The following LINGO1 variants were observed in gnomAD, a reference collection of about 807,000 sequenced individuals.
LINGO1 encodes the protein leucine rich repeat and Ig domain containing 1.
In LINGO1, 11 loss-of-function variants were observed where a neutral mutation model predicts 37.3. That is an observed-to-expected ratio of 0.29 (90% CI 0.19 to 0.49). LINGO1 has a LOEUF of 0.49. LINGO1 is among the 20% of genes least tolerant of loss of function. The pLI, the probability that LINGO1 is intolerant of heterozygous loss-of-function variation, is 0.99. For missense variants in LINGO1, 585 were observed against 878.2 expected (o/e 0.67, Z 4.22); for synonymous variants, 387 against 403.0 (o/e 0.96, Z 0.48).
chr15:77,702,721 T>A (rs910495912), intron 2 of LINGO1, among the ~76,000 whole-genome samples: 1 of 152,164 alleles, frequency 6.6e-6, no homozygotes. Flanking sequence ...ACCTCCAGTC[T>A]GCCTGGGCTA....
chr15:77,795,659 A>T (rs2076866693), intron 2 of LINGO1, among the ~76,000 whole-genome samples: 1 of 152,198 alleles, frequency 6.6e-6, no homozygotes, highest in Admixed American at 6.5e-5. Flanking sequence ...AGAGCCCTGC[A>T]GCCTGCCCTT....
At chr15:77,770,342 C>T (rs894852485) in intron 1 of LINGO1, among the ~76,000 whole-genome samples, 1 of 152,122 alleles carries the variant, frequency 6.6e-6, no homozygotes, top group African/African-American at 2.4e-5. Context: ...AATCCCAGCA[C>T]TTTGGGAGGC....
intron 3 of LINGO1, chr15:77,647,861 C>A (rs1461944367): frequency 2.2e-6 from 1 of 456,640 alleles, no homozygotes; most frequent in Non-Finnish European, 4.4e-6. Context: ...AAGGGAACAG[C>A]TGGGCTGCTG....
chr15:77,813,131 T>C (rs2077019446), intron 1 of LINGO1, among the ~76,000 whole-genome samples: 3 of 152,210 alleles, frequency 2.0e-5, no homozygotes, highest in African/African-American at 4.8e-5. Context: ...ATATAGTGGG[T>C]ACACAGTAAA....
chr15:77,726,304 C>T (rs1427454854), intron 2 of LINGO1, among the ~76,000 whole-genome samples: 2 of 152,222 alleles, frequency 1.3e-5, no homozygotes, highest in African/African-American at 4.8e-5. Context: ...AGGAAGAAGC[C>T]TGCATCCCTG....
chr15:77,756,487 C>CAG (rs1268064858), intron 1 of LINGO1, among the ~76,000 whole-genome samples: 6 of 38,818 alleles, frequency 1.5e-4, no homozygotes, highest in East Asian at 1.2e-3. Context: ...GACAGACAGA[C>CAG]ACACACACAC....
chr15:77,775,703 C>T lies in LINGO1; in HGVS notation c.-257+11166G>A, dbSNP rs1403445450. On this transcript the variant is annotated intron_variant, in intron 1 of 3. Transcript: ENST00000561686. ...GCCTGAGCCGAGGCTCTCCAGCCCACGTCCCTCTGTCTGTGCCTCTCTAGA... is the reference window on the plus strand; with the variant it reads ...GCCTGAGCCGAGGCTCTCCAGCCCATGTCCCTCTGTCTGTGCCTCTCTAGA... 3.9e-5 allele frequency among the ~76,000 whole-genome samples: 6 copies of T among 152,218 alleles called. 1 individual carries two copies. The highest frequency in any genetic ancestry group is 4.1e-4 in the South Asian group (2 of 4,826).
At chr15:77,635,754 G>GT (rs1350845473), upstream of LINGO1, among the ~76,000 whole-genome samples, 39 of 145,882 alleles carry the variant, frequency 2.7e-4, no homozygotes, top group African/African-American at 1.1e-3. Context: ...TTAGAGGCAA[G>GT]GCCCAAATCT....
chr15:77,786,092 A>C (rs1391878979), intron 1 of LINGO1, among the ~76,000 whole-genome samples: 1 of 152,114 alleles, frequency 6.6e-6, no homozygotes, highest in Non-Finnish European at 1.5e-5. Flanking sequence ...TGCAAGAAGC[A>C]AGCAGGGCTG....
At chr15:77,666,723 C>T (rs909243504) in intron 3 of LINGO1, among the ~76,000 whole-genome samples, 5 of 152,190 alleles carry the variant, frequency 3.3e-5, no homozygotes, top group African/African-American at 4.8e-5. Flanking sequence ...ATATTTGCTC[C>T]ATAGCATTGT....
In LINGO1 at chr15:77,682,502, C is replaced by G. The variant is rs78272800; in HGVS notation, c.-98-5328G>C. ...CTCATGTGCACCTGCATGCATTTCG[C>G]TCCCTAGTCCTGTCCCCAACTAAGG... On this transcript the variant is annotated intron_variant, in intron 2 of 3. Coordinates refer to the LINGO1 transcript ENST00000559893. 4.0e-3 allele frequency among the ~76,000 whole-genome samples: 615 copies of G among 152,222 alleles called. 2 individuals carry two copies. Among genetic ancestry groups the G allele is most frequent in the African/African-American group, 0.014 (577 of 41,534 alleles).
chr15:77,655,550 C>G (rs773677362), intron 3 of LINGO1, among the ~76,000 whole-genome samples: 1 of 152,122 alleles, frequency 6.6e-6, no homozygotes, highest in Admixed American at 6.5e-5. Context: ...GCAACCGTGA[C>G]CTGGGTGACC....
chr15:77,682,277 AGTGTGTGTGTGT>A (rs10581838), intron 2 of LINGO1, among the ~76,000 whole-genome samples: 99 of 139,832 alleles, frequency 7.1e-4, no homozygotes, highest in Non-Finnish European at 1.4e-3. Context: ...TAGAGATTAA[AGTGTGTGTGTGT>A]GTGTGTGTGT....
At chr15:77,701,488 G>A (rs112437231), upstream of LINGO1, among the ~76,000 whole-genome samples, 69 of 152,242 alleles carry the variant, frequency 4.5e-4, no homozygotes, top group African/African-American at 1.2e-3. Context: ...GGCCTGAGAA[G>A]GCTTGTGATA....
chr15:77,747,900 A>G (rs1210921680), intron 1 of LINGO1, among the ~76,000 whole-genome samples: 9 of 141,638 alleles, frequency 6.4e-5, no homozygotes, highest in Admixed American at 5.5e-4. Flanking sequence ...AGGGAGGAGG[A>G]GGGTGGGTGG....
At chr15:77,650,221 C>T (rs576800002) in intron 3 of LINGO1, among the ~76,000 whole-genome samples, 48 of 152,258 alleles carry the variant, frequency 3.2e-4, no homozygotes, top group African/African-American at 1.1e-3. Flanking sequence ...ACGGCATGTA[C>T]ATGCATGTAT....
At chr15:77,716,419 T>A (rs1413316888) in intron 2 of LINGO1, among the ~76,000 whole-genome samples, 1 of 148,950 alleles carries the variant, frequency 6.7e-6, no homozygotes, top group African/African-American at 2.4e-5. Context: ...TAGCTAGGAC[T>A]ACAGGTGTGC....
At chr15:77,669,002 G>C (rs865797529) in intron 3 of LINGO1, among the ~76,000 whole-genome samples, 1 of 152,264 alleles carries the variant, frequency 6.6e-6, no homozygotes, top group South Asian at 2.1e-4. Flanking sequence ...GCCCAGCGTG[G>C]CCTGAATATT....
intron 2 of LINGO1, among the ~76,000 whole-genome samples, chr15:77,713,390 T>TA (rs1360196528): frequency 6.6e-6 from 1 of 151,914 alleles, no homozygotes. Context: ...TGCTGAGTTT[T>TA]AAAAAAATCA....
Sources: gnomAD v4.1 joint callset for allele counts (sites outside exome capture counted in the v4.1 genomes callset) on GRCh38, gnomAD v4.1.1 for gene constraint, MANE v1.5 for transcripts, NCBI Gene and HGNC (gene_info 2026-07-23, HGNC 2026-07-21) for gene names.